The following CCDC148 variants were observed in gnomAD, a reference collection of about 807,000 sequenced individuals.
CCDC148 encodes coiled-coil domain containing 148.
CCDC148 carries 89 observed loss-of-function variants against 85.7 expected under a neutral mutation model. The observed-to-expected ratio is 1.04, with a 90% confidence interval of 0.87 to 1.24. The LOEUF (loss-of-function observed/expected upper bound fraction) is 1.24, where lower values mean the gene tolerates loss of function less well. CCDC148 is among the 50% of genes most tolerant of loss of function. The pLI is 0.00. For missense variants in CCDC148, 692 were observed against 671.7 expected (o/e 1.03, Z -0.33); for synonymous variants, 230 against 213.9 (o/e 1.08, Z -0.66).
intron 10 of CCDC148, among the ~76,000 whole-genome samples, chr2:158,238,257 A>C (rs556656999): frequency 3.0e-4 from 45 of 152,184 alleles, no homozygotes; most frequent in African/African-American, 1.0e-3. Flanking sequence ...GATAAACTTG[A>C]GCAGGAGAAG....
intron 2 of CCDC148, among the ~76,000 whole-genome samples, chr2:158,350,232 T>C (rs976110485): frequency 1.3e-5 from 2 of 152,200 alleles, no homozygotes; most frequent in Admixed American, 1.3e-4. Context: ...TAATTAAAAA[T>C]CTGAAATATA....
chr2:158,171,933 A>G lies in CCDC148; in HGVS notation c.*180T>C. 1 of 490,906 alleles carries G rather than the reference A, an allele frequency of 2.0e-6. No homozygotes were observed. Among genetic ancestry groups the G allele is most frequent in the Non-Finnish European group, 3.5e-6 (1 of 283,684 alleles). The allele number at this position is 490,906 out of a possible 1,614,324, so 30.4% of individuals were successfully genotyped here. A position where few individuals can be genotyped will look rare whatever the true frequency, so the allele number is the denominator to read the frequency against. ...TAGTACTATTAAATATAACTTAAAG[A>G]TACAGGAAATATAGTGCATAAAATT... is the stretch of plus-strand genomic sequence containing the variant. On this transcript the variant is annotated 3_prime_UTR_variant, in exon 14 of 14. Transcript: ENST00000283233.
At chr2:158,292,344 A>G (rs1226709491) in intron 9 of CCDC148, among the ~76,000 whole-genome samples, 2 of 152,206 alleles carry the variant, frequency 1.3e-5, no homozygotes, top group Non-Finnish European at 2.9e-5. Context: ...AGAGAATGAT[A>G]TGCTCCACTA....
intron 11 of CCDC148, among the ~76,000 whole-genome samples, chr2:158,204,310 A>G (rs114061681): frequency 0.051 from 7,799 of 152,256 alleles, 231 homozygotes; most frequent in Middle Eastern, 0.075. Context: ...TACTCCTCCT[A>G]TTGAGAGTTT....
At chr2:158,241,664 T>C (rs1221413694) in intron 10 of CCDC148, among the ~76,000 whole-genome samples, 1 of 152,192 alleles carries the variant, frequency 6.6e-6, no homozygotes, top group African/African-American at 2.4e-5. Context: ...TTATTGTGAA[T>C]GTATCTTACT....
intron 9 of CCDC148, among the ~76,000 whole-genome samples, chr2:158,302,293 G>A (rs1232763817): frequency 1.3e-5 from 2 of 152,128 alleles, no homozygotes; most frequent in African/African-American, 2.4e-5. Context: ...CTGGGAGTCT[G>A]AGAATGAGGG....
At chr2:158,251,925 C>A (rs1688808811) in intron 9 of CCDC148, among the ~76,000 whole-genome samples, 1 of 151,658 alleles carries the variant, frequency 6.6e-6, no homozygotes, top group Non-Finnish European at 1.5e-5. Flanking sequence ...TTCTTTAAAC[C>A]TTTCTGTGCT....
chr2:158,189,427 G>C (rs933808715), intron 11 of CCDC148, among the ~76,000 whole-genome samples: 4 of 151,834 alleles, frequency 2.6e-5, no homozygotes, highest in African/African-American at 9.7e-5. Context: ...AGGGTAATCA[G>C]TTCTTTTCCC....
At chr2:158,347,158 T>C (rs927101028) in intron 2 of CCDC148, among the ~76,000 whole-genome samples, 3 of 152,184 alleles carry the variant, frequency 2.0e-5, no homozygotes, top group Non-Finnish European at 4.4e-5. Context: ...ATACACAGTC[T>C]CTAAAGTTTG....
intron 9 of CCDC148, among the ~76,000 whole-genome samples, chr2:158,286,050 G>A (rs894930281): frequency 6.6e-6 from 1 of 151,860 alleles, no homozygotes; most frequent in East Asian, 1.9e-4. Context: ...CTAACATAAT[G>A]TACACAAAAA....
At chr2:158,290,419 C>T (rs114423909) in intron 9 of CCDC148, among the ~76,000 whole-genome samples, 4,214 of 152,266 alleles carry the variant, frequency 0.028, 216 homozygotes, top group African/African-American at 0.096. Flanking sequence ...AGCCAGAGCA[C>T]GTCATCCTCT....
intron 1 of CCDC148, among the ~76,000 whole-genome samples, chr2:158,442,749 G>A (rs1030458990): frequency 6.6e-6 from 1 of 152,202 alleles, no homozygotes; most frequent in South Asian, 2.1e-4. Context: ...ACCACTTTAT[G>A]AGAGTCAATA....
chr2:158,437,344 A>T (rs939613485), intron 1 of CCDC148, among the ~76,000 whole-genome samples: 1 of 152,222 alleles, frequency 6.6e-6, no homozygotes, highest in African/African-American at 2.4e-5. Context: ...AATAAATGTA[A>T]TACCTCACAT....
intron 11 of CCDC148, among the ~76,000 whole-genome samples, chr2:158,209,108 A>AT (rs79262669): frequency 1.3e-5 from 2 of 151,482 alleles, no homozygotes; most frequent in African/African-American, 4.8e-5. Flanking sequence ...GTATATATAT[A>AT]AATAAACATA....
rs114662069 is a variant in CCDC148, at chr2:158,271,712, T to C, written c.1111-20800A>G. 6.1e-3 allele frequency among the ~76,000 whole-genome samples: 929 copies of C among 152,312 alleles called. 6 individuals carry two copies. The highest frequency in any genetic ancestry group is 0.02 in the Middle Eastern group (6 of 294). ...TAAACTTTATCATAGGAAAATAATA[T>C]AAATACAGAATTTGGTACTATCTGT... is the stretch of plus-strand genomic sequence containing the variant. On this transcript the variant is annotated intron_variant, in intron 9 of 13. Transcript: ENST00000283233.
intron 1 of CCDC148, among the ~76,000 whole-genome samples, chr2:158,453,783 T>G (rs1487132965): frequency 1.3e-5 from 2 of 152,234 alleles, no homozygotes; most frequent in Non-Finnish European, 2.9e-5. Context: ...CTTTCTGAGC[T>G]GGTAATTGAA....
chr2:158,353,216 A>G (rs1238802857), intron 2 of CCDC148, among the ~76,000 whole-genome samples: 1 of 92,236 alleles, frequency 1.1e-5, no homozygotes, highest in Admixed American at 1.1e-4. Context: ...GATCAAATTC[A>G]CACATAACAA....
intron 2 of CCDC148, among the ~76,000 whole-genome samples, chr2:158,356,799 T>G (rs1293113031): frequency 7.5e-6 from 1 of 133,850 alleles, no homozygotes; most frequent in Non-Finnish European, 1.6e-5. Flanking sequence ...TATTGCGGCA[T>G]TATTCACAAT....
intron 7 of CCDC148, among the ~76,000 whole-genome samples, chr2:158,331,540 G>A (rs1693121084): frequency 6.6e-6 from 1 of 152,164 alleles, no homozygotes; most frequent in Non-Finnish European, 1.5e-5. Flanking sequence ...GTGCAGAGCT[G>A]AGTTCAAATC....
Sources: allele counts gnomAD v4.1 joint callset (sites outside exome capture counted in the v4.1 genomes callset), GRCh38; gene constraint gnomAD v4.1.1; transcripts MANE v1.5; gene names NCBI Gene and HGNC (gene_info 2026-07-23, HGNC 2026-07-21).